PPM1A: variants seen among roughly 807,000 people sequenced by gnomAD.
The protein encoded by PPM1A is protein phosphatase 1A.
A neutral mutation model predicts 35.0 loss-of-function variants in PPM1A; 7 were observed. The observed-to-expected ratio is 0.20, with a 90% CI of 0.11 to 0.38. The LOEUF is 0.38. PPM1A is among the 10% of genes least tolerant of loss of function. The probability of loss-of-function intolerance (pLI) is 1.00; values close to 1 mark genes in which losing one functional copy is unlikely to be tolerated. For missense variants in PPM1A, 239 were observed against 467.8 expected, an observed-to-expected ratio of 0.51 and a Z score of 4.51; for synonymous variants, 153 against 167.3, an observed-to-expected ratio of 0.91 and a Z score of 0.66.
intron 1 of PPM1A, among the ~76,000 whole-genome samples, chr14:60,271,094 TCTTG>T (rs1477309247): frequency 6.6e-6 from 1 of 152,184 alleles, no homozygotes; most frequent in Non-Finnish European, 1.5e-5. Context: ...GGAATCTGTT[TCTTG>T]CTTTTTTTCA....
intron 3 of PPM1A, chr14:60,287,690 C>G (rs1166150145): frequency 2.0e-6 from 2 of 985,220 alleles, no homozygotes; most frequent in African/African-American, 3.5e-5. Context: ...CCTTCCAGCT[C>G]TCCTTTTCTC....
At chr14:60,246,947 G>A (rs1301808126), upstream of PPM1A, among the ~76,000 whole-genome samples, 1 of 152,188 alleles carries the variant, frequency 6.6e-6, no homozygotes, top group Non-Finnish European at 1.5e-5. Context: ...ACAGAGAGAA[G>A]AAAGGTGTGG....
At position 60,292,414 on chromosome 14, in the gene PPM1A, AT is replaced by A. The variant is rs1452879642; in HGVS notation, c.1120-35del. On this transcript the variant is annotated intron_variant, in intron 5 of 5. Coordinates refer to ENST00000395076, the MANE Select transcript of PPM1A (RefSeq NM_021003.5). The surrounding 1 kb of genome is among the most constrained non-coding windows in gnomAD (Gnocchi z 4.2). ...GTATGGTGTATTTTGGCACCGCTAA[AT>A]TTTAACGTTGTTCCTTATTTTGCTT... is the stretch of plus-strand genomic sequence containing the variant. The A allele has an allele frequency of 7.8e-6, 12 of 1,542,186 alleles. No individual in the cohort carries two copies. The highest frequency in any genetic ancestry group is 9.9e-6 in the Non-Finnish European group (11 of 1,116,508).
chr14:60,285,488 A>G (rs1013438371), intron 2 of PPM1A, 136 bp from the exon 3 acceptor site: 64 of 804,896 alleles, frequency 8.0e-5, no homozygotes, highest in African/African-American at 1.1e-4. Flanking sequence ...ATGCGTGCAC[A>G]TATGTATTTT....
At chr14:60,287,374 ATAAAT>A in intron 3 of PPM1A, 1 of 981,102 alleles carries the variant, frequency 1.0e-6, no homozygotes, top group Non-Finnish European at 1.2e-6. Context: ...GGAGATTGTC[ATAAAT>A]TAAATATGGT....
Position 60,292,569 on chromosome 14 carries a change from A to G in PPM1A, c.*87A>G. 8.3e-7 allele frequency: 1 copy of G among 1,207,674 alleles called. No individual in the cohort carries two copies. Among genetic ancestry groups the G allele is most frequent in the South Asian group, 1.3e-5 (1 of 76,070 alleles). The allele number at this position is 1,207,674 out of a possible 1,614,324, so 74.8% of individuals were successfully genotyped here. On this transcript the variant is annotated 3_prime_UTR_variant, in exon 6 of 6. Transcript: ENST00000395076. The surrounding 1 kb of genome is among the most constrained non-coding windows in gnomAD (Gnocchi z 4.2). ...TTGAAACTTTTAACATCCATCCTCA[A>G]CTTTAAGGAAGGGGATATGACATGG...
Position 60,277,857 on chromosome 14 carries a change from G to A in PPM1A, c.-20-4827G>A, listed in dbSNP as rs150476455. Among the ~76,000 whole-genome samples the A allele has an allele frequency of 2.0e-4, 30 of 152,322 alleles. No homozygotes were observed. The East Asian group carries it at 5.4e-3, about 27-fold the overall frequency. On this transcript the variant is annotated intron_variant, in intron 1 of 5. Coordinates refer to ENST00000395076, the MANE Select transcript of PPM1A (RefSeq NM_021003.5). ...ATATGCCCACTGTACAGATGAGGAA[G>A]TTGAGGAATGCTTTATTAGTAGGTG...
At chr14:60,280,914 A>T (rs1886334107) in intron 1 of PPM1A, among the ~76,000 whole-genome samples, 1 of 152,182 alleles carries the variant, frequency 6.6e-6, no homozygotes, top group African/African-American at 2.4e-5. Flanking sequence ...GGGGTTAATG[A>T]TGCTTTAGAG....
intron 1 of PPM1A, among the ~76,000 whole-genome samples, chr14:60,257,146 A>G (rs1313891413): frequency 1.3e-5 from 2 of 152,162 alleles, no homozygotes; most frequent in East Asian, 1.9e-4. Context: ...TTAAAATTTT[A>G]TTCATGTTTA....
chr14:60,247,922 A>G (rs1297505062), upstream of PPM1A, among the ~76,000 whole-genome samples: 1 of 152,224 alleles, frequency 6.6e-6, no homozygotes, highest in East Asian at 1.9e-4. Context: ...GGCCAGTAAA[A>G]GAACCTGCCT....
At chr14:60,286,037 G>C (rs1886968276) in intron 3 of PPM1A, 1 of 1,033,296 alleles carries the variant, frequency 9.7e-7, no homozygotes, top group African/African-American at 1.7e-5. Flanking sequence ...TCACTGGCAT[G>C]AGTAATTTTA....
At chr14:60,290,691 C>G (rs1446067477) in intron 4 of PPM1A, among the ~76,000 whole-genome samples, 2 of 152,084 alleles carry the variant, frequency 1.3e-5, no homozygotes, top group Admixed American at 6.5e-5. Flanking sequence ...TCTCGATTCT[C>G]TACTGTGTTT....
chr14:60,253,908 T>G (rs1178429177), intron 1 of PPM1A, among the ~76,000 whole-genome samples: 1 of 152,244 alleles, frequency 6.6e-6, no homozygotes, highest in Non-Finnish European at 1.5e-5. Flanking sequence ...TTTGAGTCCC[T>G]GTTCTCCTAT....
At chr14:60,281,442 C>G (rs1217964087) in intron 1 of PPM1A, among the ~76,000 whole-genome samples, 2 of 152,128 alleles carry the variant, frequency 1.3e-5, no homozygotes, top group African/African-American at 4.8e-5. Context: ...TGCCCTTTTT[C>G]TCCCAGTTTC....
chr14:60,284,030 A>G (rs1446981622), intron 2 of PPM1A, among the ~76,000 whole-genome samples: 1 of 152,258 alleles, frequency 6.6e-6, no homozygotes, highest in Non-Finnish European at 1.5e-5. Flanking sequence ...ACATGGAGTC[A>G]GAAGAACTTG....
chr14:60,286,520 A>C, intron 3 of PPM1A: 1 of 984,974 alleles, frequency 1.0e-6, no homozygotes, highest in Non-Finnish European at 1.2e-6. Context: ...GCTGAGGTAG[A>C]AAAAAAACAA....
At chr14:60,267,263 T>C (rs1274458624) in intron 1 of PPM1A, 1 of 152,166 alleles carries the variant, frequency 6.6e-6, no homozygotes, top group Non-Finnish European at 1.5e-5. Flanking sequence ...GGAATTGTTC[T>C]AGTACTGAGA....
At chr14:60,250,176 T>C (rs1461706614) in intron 1 of PPM1A, among the ~76,000 whole-genome samples, 2 of 152,044 alleles carry the variant, frequency 1.3e-5, no homozygotes, top group Admixed American at 1.3e-4. Flanking sequence ...TCTGTAGAAA[T>C]TGCTTAAGGT....
intron 1 of PPM1A, among the ~76,000 whole-genome samples, chr14:60,261,197 A>T (rs1415936965): frequency 1.3e-5 from 2 of 152,168 alleles, no homozygotes; most frequent in Non-Finnish European, 2.9e-5. Flanking sequence ...AGAAGAAGAG[A>T]TTGCTCAGGC....
Sources: gnomAD v4.1 joint callset for allele counts (sites outside exome capture counted in the v4.1 genomes callset) on GRCh38, gnomAD v4.1.1 for gene constraint, Gnocchi (gnomAD v3.1) non-coding constraint, MANE v1.5 for transcripts, NCBI Gene and HGNC (gene_info 2026-07-23, HGNC 2026-07-21) for gene names.